STXBP5: variants seen among roughly 807,000 people sequenced by gnomAD.
STXBP5 encodes syntaxin binding protein 5, also known as syntaxin-binding protein 5.
Under a neutral mutation model 152.4 loss-of-function variants are expected in STXBP5, and 50 were observed. The ratio of observed to expected loss-of-function variants is 0.33; its 90% CI spans 0.26 to 0.42. The LOEUF (loss-of-function observed/expected upper bound fraction) is 0.42, where lower values mean the gene tolerates loss of function less well. Among genes scored for constraint, STXBP5 ranks in the 10% least tolerant of loss-of-function variants. The pLI is 1.00. For synonymous variants in STXBP5, 492 were observed against 494.7 expected (o/e 0.99, Z 0.07); for missense variants, 1,167 against 1,388.6 (o/e 0.84, Z 2.54).
intron 25 of STXBP5, among the ~76,000 whole-genome samples, chr6:147,371,071 G>C (rs1203635960): frequency 6.6e-6 from 1 of 151,878 alleles, no homozygotes; most frequent in African/African-American, 2.4e-5. Context: ...ATTTATTTCT[G>C]AATATTTATA....
At chr6:147,364,241 T>C in intron 25 of STXBP5, 75 bp downstream of exon 25, 1 of 1,333,490 alleles carries the variant, frequency 7.5e-7, no homozygotes, top group Admixed American at 2.2e-5. Flanking sequence ...TGTCTGCCCC[T>C]TATTCTCATG....
intron 17 of STXBP5, 59 bp from the exon 18 acceptor site, chr6:147,327,066 G>A (rs951665618): frequency 7.1e-5 from 107 of 1,512,272 alleles, no homozygotes; most frequent in Non-Finnish European, 9.5e-5. Context: ...ATAGACTGTA[G>A]TACATTTTTT....
At chr6:147,363,240 A>G (rs957057444) in intron 23 of STXBP5, 95 bp from the exon 24 acceptor site, 9 of 1,272,508 alleles carry the variant, frequency 7.1e-6, no homozygotes, top group African/African-American at 4.5e-5. Flanking sequence ...CGTTCAGCAT[A>G]TATTTAAGTA....
intron 18 of STXBP5, among the ~76,000 whole-genome samples, chr6:147,328,385 C>T (rs1349266621): frequency 6.6e-6 from 1 of 152,190 alleles, no homozygotes; most frequent in Non-Finnish European, 1.5e-5. Context: ...TTGGGAAGCT[C>T]TGGTCTGTAC....
chr6:147,336,483 T>C (rs1783831450), intron 19 of STXBP5, among the ~76,000 whole-genome samples: 1 of 152,020 alleles, frequency 6.6e-6, no homozygotes, highest in Non-Finnish European at 1.5e-5. Context: ...CACATGCAAA[T>C]TCTACTACTT....
At chr6:147,206,423 A>AG (rs1562406885) in intron 2 of STXBP5, among the ~76,000 whole-genome samples, 4 of 152,210 alleles carry the variant, frequency 2.6e-5, no homozygotes, top group South Asian at 2.1e-4. Flanking sequence ...AAAGACAATT[A>AG]CTTTTAAAAA....
chr6:147,246,472 A>G (rs1477357922), intron 4 of STXBP5, among the ~76,000 whole-genome samples: 1 of 152,204 alleles, frequency 6.6e-6, no homozygotes, highest in Non-Finnish European at 1.5e-5. Flanking sequence ...CTTTTCACAT[A>G]AATAATTATT....
At chr6:147,348,006 TAAG>T (rs764953191) in intron 21 of STXBP5, among the ~76,000 whole-genome samples, 3 of 152,236 alleles carry the variant, frequency 2.0e-5, no homozygotes, top group Admixed American at 6.5e-5. Context: ...TTCTTTATAA[TAAG>T]AATGAATTAT....
rs1783170708 is a variant in STXBP5, at chr6:147,325,025, G to T, written c.1869G>T (p.Trp623Cys). The T allele has an allele frequency of 3.1e-6, 5 of 1,594,310 alleles. No homozygotes were observed. Among genetic ancestry groups the T allele is most frequent in the African/African-American group, 2.7e-5 (2 of 74,258 alleles). Residue 623 changes from tryptophan to cysteine, a missense_variant, in exon 17 of 28, where the codon TGG becomes TGT. Trp to Cys is a radical substitution (Grantham distance 215, BLOSUM62 -2). Around this residue, in one of 3 missense-constraint regions of STXBP5, gnomAD observed 833 missense variants for 986.3 expected, o/e 0.84. Coordinates refer to ENST00000321680, the MANE Select transcript of STXBP5 (RefSeq NM_001127715.4). ...YQTELVIQLV[W>C]VGGEPPQQIT... ...CAGAACTAGTTATTCAGTTGGTTTG[G>T]GTGGGTGGAGAACCACCACAACAAA...
intron 7 of STXBP5, among the ~76,000 whole-genome samples, chr6:147,270,162 G>T (rs916777192): frequency 1.3e-5 from 2 of 152,080 alleles, no homozygotes; most frequent in Admixed American, 6.5e-5. Context: ...ACTTTGGGAG[G>T]CCAAGGCGGG....
chr6:147,248,498 A>G lies in STXBP5; in HGVS notation c.431+9228A>G, dbSNP rs543357465. ...GTCAGTCATCAGGAAAATGCAGACTAAAACAACAACTACTCATCAGAATGG... is the reference window on the plus strand; with the variant it reads ...GTCAGTCATCAGGAAAATGCAGACTGAAACAACAACTACTCATCAGAATGG... On this transcript the variant is annotated intron_variant, in intron 4 of 27. Transcript: ENST00000321680. Among the ~76,000 whole-genome samples, 44 of 152,294 alleles carry G rather than the reference A, an allele frequency of 2.9e-4. 1 individual carries two copies. In the South Asian group the frequency reaches 8.9e-3, roughly 31 times the overall value.
At chr6:147,226,411 A>G (rs1777714454) in intron 2 of STXBP5, among the ~76,000 whole-genome samples, 1 of 152,044 alleles carries the variant, frequency 6.6e-6, no homozygotes, top group South Asian at 2.1e-4. Context: ...AGCCTTTGGG[A>G]GTAAAAAGAG....
intron 2 of STXBP5, among the ~76,000 whole-genome samples, chr6:147,215,891 T>C (rs1190030051): frequency 6.6e-6 from 1 of 152,172 alleles, no homozygotes; most frequent in African/African-American, 2.4e-5. Flanking sequence ...CTTCCTAATT[T>C]TAATTAAAAA....
rs78104546 is a variant in STXBP5, at chr6:147,250,592, C to T, written c.432-10023C>T. 4.3e-3 allele frequency among the ~76,000 whole-genome samples: 657 copies of T among 152,150 alleles called. 14 individuals carry two copies. Among genetic ancestry groups the T allele is most frequent in the Admixed American group, 0.034 (519 of 15,278 alleles). ...CATGGGGCTCCTGGAACCAATCCCC[C>T]ATGGATACCAAGGTAGAACAGTAAC... On this transcript the variant is annotated intron_variant, in intron 4 of 27. Transcript: ENST00000321680.
intron 4 of STXBP5, among the ~76,000 whole-genome samples, chr6:147,253,575 C>G (rs1478414559): frequency 6.6e-6 from 1 of 152,162 alleles, no homozygotes; most frequent in African/African-American, 2.4e-5. Context: ...CCCAAAATCT[C>G]CTTAAGCTGA....
At chr6:147,277,717 T>C (rs17076677) in intron 7 of STXBP5, among the ~76,000 whole-genome samples, 7,252 of 152,180 alleles carry the variant, frequency 0.048, 490 homozygotes, top group East Asian at 0.28. Context: ...TCATTGCAAC[T>C]AGTTTTTCTA....
At chr6:147,287,649 A>C (rs9485161) in intron 8 of STXBP5, among the ~76,000 whole-genome samples, 2,735 of 152,280 alleles carry the variant, frequency 0.018, 70 homozygotes, top group African/African-American at 0.061. Context: ...AGTTGTTTGT[A>C]TCACAACTTA....
At chr6:147,292,351 C>G in intron 9 of STXBP5, 1 of 401,750 alleles carries the variant, frequency 2.5e-6, no homozygotes, top group Non-Finnish European at 4.9e-6. Flanking sequence ...CTCTTGCATC[C>G]TTCATTGTGT....
At chr6:147,325,606 AT>A (rs1189355816) in intron 17 of STXBP5, among the ~76,000 whole-genome samples, 1 of 152,188 alleles carries the variant, frequency 6.6e-6, no homozygotes, top group Non-Finnish European at 1.5e-5. Flanking sequence ...AATTATACAT[AT>A]TTTTATTACA....
Sources: allele counts gnomAD v4.1 joint callset (sites outside exome capture counted in the v4.1 genomes callset), GRCh38; gene constraint gnomAD v4.1.1; regional missense constraint gnomAD v4.1.1; transcripts MANE v1.5; gene names NCBI Gene and HGNC (gene_info 2026-07-23, HGNC 2026-07-21).